SESN2: variants seen among roughly 807,000 people sequenced by gnomAD.
The protein encoded by SESN2 is sestrin 2.
SESN2 carries 42 observed loss-of-function variants against 56.0 expected under a neutral mutation model. That is an observed-to-expected ratio of 0.75 (90% CI 0.59 to 0.97). The LOEUF (loss-of-function observed/expected upper bound fraction) is 0.97. Among genes scored for constraint, SESN2 ranks in the 50% least tolerant of loss-of-function variants. The probability of loss-of-function intolerance (pLI) is 0.00; values close to 1 mark genes in which losing one functional copy is unlikely to be tolerated. For synonymous variants in SESN2, 264 were observed against 267.1 expected, an observed-to-expected ratio of 0.99 and a Z score of 0.11; for missense variants, 507 against 649.4, an observed-to-expected ratio of 0.78 and a Z score of 2.38.
chr1:28,269,827 C>T (rs1258454736), intron 2 of SESN2, among the ~76,000 whole-genome samples: 2 of 152,146 alleles, frequency 1.3e-5, no homozygotes, highest in African/African-American at 4.8e-5. Context: ...CATCTTTCAT[C>T]TACTGAGTCA....
At chr1:28,265,976 A>C (rs1424849986) in intron 1 of SESN2, among the ~76,000 whole-genome samples, 2 of 152,206 alleles carry the variant, frequency 1.3e-5, no homozygotes, top group Non-Finnish European at 2.9e-5. Context: ...CACTCACTTT[A>C]TAGAATCTGT....
At chr1:28,271,389 A>G (rs1647771232) in intron 2 of SESN2, among the ~76,000 whole-genome samples, 2 of 152,228 alleles carry the variant, frequency 1.3e-5, no homozygotes, top group Non-Finnish European at 2.9e-5. Flanking sequence ...ACAGAACTCC[A>G]GTTTTATAGT....
At chr1:28,261,715 A>G (rs1193976153) in intron 1 of SESN2, among the ~76,000 whole-genome samples, 1 of 151,748 alleles carries the variant, frequency 6.6e-6, no homozygotes, top group Non-Finnish European at 1.5e-5. Context: ...AGGGATCTTT[A>G]CACAGAAGCC....
rs1435319345 is a variant in SESN2, at chr1:28,275,137, C to G, written c.1211+122C>G. 6 of 677,708 alleles carry G rather than the reference C, an allele frequency of 8.9e-6. 1 individual carries two copies. The South Asian group carries it at 1.1e-4, about 12-fold the overall frequency. The allele number at this position is 677,708 out of a possible 1,614,324, so 42.0% of individuals were successfully genotyped here. A position where few individuals can be genotyped will look rare whatever the true frequency, so the allele number is the denominator to read the frequency against. ...CTTTCTTCTTGCCTATACTGTTTTTCAAAGCAAATTGTGATTTTAAAAGAT... is the reference window on the plus strand; with the variant it reads ...CTTTCTTCTTGCCTATACTGTTTTTGAAAGCAAATTGTGATTTTAAAAGAT... On this transcript the variant is annotated intron_variant, in intron 8 of 9. Coordinates refer to ENST00000253063, the MANE Select transcript of SESN2 (RefSeq NM_031459.5).
intron 1 of SESN2, 109 bp from the exon 2 acceptor site, chr1:28,269,074 G>A (rs1252231187): frequency 1.5e-6 from 1 of 662,422 alleles, no homozygotes; most frequent in Non-Finnish European, 2.5e-6. Flanking sequence ...TAGAAAGGTG[G>A]GTTTAACACT....
chr1:28,268,711 G>GGAA (rs1032265675), intron 1 of SESN2, among the ~76,000 whole-genome samples: 1 of 151,024 alleles, frequency 6.6e-6, no homozygotes, highest in Non-Finnish European at 1.5e-5. Flanking sequence ...AAGGAAGGAA[G>GGAA]GAAGAAGGAG....
At position 28,280,711 on chromosome 1, in the gene SESN2, C is replaced by T; in HGVS notation, c.1357-5C>T. On this transcript the variant is annotated splice_region_variant and splice_polypyrimidine_tract_variant and intron_variant, in intron 9 of 9. Transcript: ENST00000253063. The stretch of plus-strand genomic sequence containing the variant: ...GTTGCCAACATGCCTTCCTCTGTGC[C>T]CCAGGTCCACGTGAACTTGCTGCTC... The T allele has an allele frequency of 3.1e-6, 5 of 1,612,104 alleles. No homozygotes were observed. Among genetic ancestry groups the T allele is most frequent in the Non-Finnish European group, 4.2e-6 (5 of 1,179,188 alleles).
chr1:28,274,190 C>A (rs766406851), intron 7 of SESN2, 32 bp downstream of exon 7: 1 of 1,374,594 alleles, frequency 7.3e-7, no homozygotes, highest in African/African-American at 1.4e-5. Context: ...TTGGCCATTG[C>A]TCCACATTTA....
intron 8 of SESN2, among the ~76,000 whole-genome samples, chr1:28,275,330 G>A (rs1001508327): frequency 6.6e-6 from 1 of 151,592 alleles, no homozygotes; most frequent in African/African-American, 2.4e-5. Flanking sequence ...ATATATATAT[G>A]TAGAGAGAGT....
rs1557734408 is a variant in SESN2 at position 28,273,963 on chromosome 1, C to G, written c.902-77C>G. 8 of 978,598 alleles carry G rather than the reference C, an allele frequency of 8.2e-6. No individual in the cohort carries two copies. In the African/African-American group the frequency reaches 9.6e-5, roughly 12 times the overall value. 60.6% of individuals were successfully genotyped at this position (978,598 alleles called of 1,614,324 possible). A position where few individuals can be genotyped will look rare whatever the true frequency, so the allele number is the denominator to read the frequency against. On this transcript the variant is annotated intron_variant, in intron 6 of 9. Coordinates refer to ENST00000253063, the MANE Select transcript of SESN2 (RefSeq NM_031459.5). Reference sequence around the variant, plus strand: ...CCCTCTATTCTGCCTTCCCCTCCCCCTTTTGGTGATTAATCAGGAATGGAC... The same window carrying G: ...CCCTCTATTCTGCCTTCCCCTCCCCGTTTTGGTGATTAATCAGGAATGGAC...
rs1367708235 is a variant in SESN2 at position 28,282,036 on chromosome 1, G to C, written c.*1234G>C. On this transcript the variant is annotated 3_prime_UTR_variant, in exon 10 of 10. Transcript: ENST00000253063. ...AGTATCTCATCTGTCCCCTCTCCTG[G>C]GGCTTAAGTGGGTTGCTTCCAGGCA... The C allele has an allele frequency of 6.6e-6, 1 of 152,236 alleles. No homozygotes were observed. The highest frequency in any genetic ancestry group is 1.5e-5 in the Non-Finnish European group (1 of 68,090). 9.4% of individuals were successfully genotyped at this position (152,236 alleles called of 1,614,324 possible).
At chr1:28,260,553 C>T (rs1299336694) in intron 1 of SESN2, among the ~76,000 whole-genome samples, 1 of 152,156 alleles carries the variant, frequency 6.6e-6, no homozygotes, top group East Asian at 1.9e-4. Flanking sequence ...GCGGCGGCGG[C>T]AGCCAAAGCT....
chr1:28,259,833 G>A lies in SESN2; in HGVS notation c.-15G>A. 7.3e-7 allele frequency: 1 copy of A among 1,376,708 alleles called. No individual in the cohort carries two copies. The highest frequency in any genetic ancestry group is 9.4e-7 in the Non-Finnish European group (1 of 1,065,428). 85.3% of individuals were successfully genotyped at this position (1,376,708 alleles called of 1,614,324 possible). On this transcript the variant is annotated 5_prime_UTR_variant, in exon 1 of 10. Transcript: ENST00000253063. Reference sequence around the variant, plus strand: ...CGGGTCGTCGGCGAGCCGCGACCGGGTCCTGGCGCGCACCATGATCGTGGC... The same window carrying A: ...CGGGTCGTCGGCGAGCCGCGACCGGATCCTGGCGCGCACCATGATCGTGGC...
intron 1 of SESN2, among the ~76,000 whole-genome samples, chr1:28,266,662 C>T (rs1206257235): frequency 6.7e-6 from 1 of 150,280 alleles, no homozygotes; most frequent in Non-Finnish European, 1.5e-5. Context: ...TGGGCTCAGG[C>T]AGTCCTCCTG....
chr1:28,280,722 G>A lies in SESN2; in HGVS notation c.1363G>A (p.Val455Met), dbSNP rs761401978. The A allele has an allele frequency of 2.0e-5, 32 of 1,612,906 alleles. No homozygotes were observed. Among genetic ancestry groups the A allele is most frequent in the Non-Finnish European group, 2.7e-5 (32 of 1,179,698 alleles). Reference protein sequence around the residue: ...RHFRHSEKVHVNLLLLEARMQ... With the variant: ...RHFRHSEKVHMNLLLLEARMQ... ...GCCTTCCTCTGTGCCCCAGGTCCAC[G>A]TGAACTTGCTGCTCCTGGAGGCGCG... Residue 455 changes from valine (V) to methionine (M), a missense_variant, in exon 10 of 10, where the codon GTG becomes ATG. Coordinates refer to ENST00000253063, the MANE Select transcript of SESN2 (RefSeq NM_031459.5).
rs1420097686 is a variant in SESN2 at position 28,269,212 on chromosome 1, C to A, written c.120C>A (p.Gly40=). The change falls in exon 2 of 10, where the codon GGC becomes GGA. Residue 40 remains glycine, a synonymous_variant. Coordinates refer to ENST00000253063, the MANE Select transcript of SESN2 (RefSeq NM_031459.5). ...AGAGGGAGAGCCGGGCTCGGCGAGG[C>A]CCTCGAGGGCCCAGCGCCTTCATCC... ...EEQRESRARR[G]PRGPSAFIPV... 6.2e-7 allele frequency: 1 copy of A among 1,612,986 alleles called. No individual in the cohort carries two copies. The highest frequency in any genetic ancestry group is 8.5e-7 in the Non-Finnish European group (1 of 1,179,514).
chr1:28,271,223 G>C (rs953659487), intron 2 of SESN2, among the ~76,000 whole-genome samples: 3 of 152,162 alleles, frequency 2.0e-5, no homozygotes, highest in Admixed American at 6.5e-5. Flanking sequence ...GTAAGCTCAG[G>C]GATGGCATGG....
chr1:28,270,212 G>C (rs886123077), intron 2 of SESN2, among the ~76,000 whole-genome samples: 1 of 152,108 alleles, frequency 6.6e-6, no homozygotes, highest in African/African-American at 2.4e-5. Context: ...TTAGCCAGGC[G>C]TGGTGGCGGG....
intron 8 of SESN2, among the ~76,000 whole-genome samples, chr1:28,277,335 C>T (rs1201628501): frequency 1.3e-5 from 2 of 151,942 alleles, no homozygotes; most frequent in African/African-American, 2.4e-5. Flanking sequence ...TCTGCCTCAT[C>T]CTTCTTAGTA....
Sources: allele counts gnomAD v4.1 joint callset (sites outside exome capture counted in the v4.1 genomes callset), GRCh38; gene constraint gnomAD v4.1.1; transcripts MANE v1.5; gene names NCBI Gene and HGNC (gene_info 2026-07-23, HGNC 2026-07-21).